Variants in HSPA13 observed in about 807,000 individuals in gnomAD.
HSPA13 encodes heat shock protein family A (Hsp70) member 13.
HSPA13 carries 29 observed loss-of-function variants against 38.8 expected under a neutral mutation model. That is an observed-to-expected ratio of 0.75 (90% confidence interval 0.56 to 1.02). The LOEUF (loss-of-function observed/expected upper bound fraction) is 1.02, where lower values mean the gene tolerates loss of function less well. Ranked by LOEUF, HSPA13 falls within the 50% of genes least tolerant of loss-of-function variation. The pLI, the probability that HSPA13 is intolerant of heterozygous loss-of-function variation, is 0.00. For synonymous variants in HSPA13, 192 were observed against 205.3 expected (o/e 0.94, Z 0.56); for missense variants, 451 against 560.9 (o/e 0.80, Z 1.98).
At position 14,378,317 on chromosome 21, in the gene HSPA13, C is replaced by T. The variant is rs770960435; in HGVS notation, c.462G>A (p.Lys154=). 7 of 1,614,066 alleles carry T rather than the reference C, an allele frequency of 4.3e-6. No homozygotes were observed. The Admixed American group carries it at 1.2e-4, about 27-fold the overall frequency. The change falls in exon 3 of 5, where the codon AAG becomes AAA. Residue 154 remains lysine, a synonymous_variant. Transcript: ENST00000285667. ...GATATGCCTCTGCCATTTCCTTTAACTTCAACAATAGTCGAGAGCCAACAT... is the reference window on the plus strand; with the variant it reads ...GATATGCCTCTGCCATTTCCTTTAATTTCAACAATAGTCGAGAGCCAACAT... ...PEYVGSRLLL[K]LKEMAEAYLG... is the part of the protein sequence containing the mutation.
chr21:14,380,237 A>G (rs1322071461), intron 2 of HSPA13, among the ~76,000 whole-genome samples: 4 of 151,994 alleles, frequency 2.6e-5, no homozygotes, highest in Admixed American at 6.5e-5. Context: ...TCTAAAATCA[A>G]AAATTTAAAA....
At chr21:14,379,758 C>A (rs13048477) in intron 2 of HSPA13, among the ~76,000 whole-genome samples, 112,675 of 152,048 alleles carry the variant, frequency 0.74, 42,086 homozygotes, top group Middle Eastern at 0.83. Flanking sequence ...AAAATTTGAA[C>A]ATTTTTATGG....
chr21:14,372,178 TTTCAACATCC>T lies in HSPA13; in HGVS notation c.*1429_*1438del, dbSNP rs1302341429. 1 of 151,988 alleles carries T rather than the reference TTTCAACATCC, an allele frequency of 6.6e-6. No individual in the cohort carries two copies. The highest frequency in any genetic ancestry group is 1.5e-5 in the Non-Finnish European group (1 of 67,908). The allele number at this position is 151,988 out of a possible 1,614,324, so 9.4% of individuals were successfully genotyped here. On this transcript the variant is annotated 3_prime_UTR_variant, in exon 5 of 5. Coordinates refer to ENST00000285667, the MANE Select transcript of HSPA13 (RefSeq NM_006948.5). ...CAGTTTCCTTTTTTGGTGACCAGCA[TTTCAACATCC>T]TATCGAATTCAGCAATGGATAAAGC...
chr21:14,377,088 G>A (rs1014609954), intron 3 of HSPA13, among the ~76,000 whole-genome samples: 3 of 152,212 alleles, frequency 2.0e-5, no homozygotes, highest in African/African-American at 7.2e-5. Flanking sequence ...AGAGGCTAGG[G>A]ACGCTGTTAA....
chr21:14,374,021 C>A lies in HSPA13; in HGVS notation c.1012G>T (p.Asp338Tyr). Residue 338 changes from aspartate (D) to tyrosine (Y), a missense_variant, in exon 5 of 5, where the codon GAC becomes TAC. Transcript: ENST00000285667. ...LPKDKLSSAD[D>Y]HRVNSGFGRG... ...CCAAACCCACTGTTCACGCGATGGT[C>A]ATCTGCTGAGGAAAGTTTGTCTTTT... 6.2e-7 allele frequency: 1 copy of A among 1,614,214 alleles called. No homozygotes were observed. The highest frequency in any genetic ancestry group is 1.3e-5 in the African/African-American group (1 of 75,058).
rs1315383785 is a variant in HSPA13, at chr21:14,371,358, T to C, written c.*2259A>G. ...ACAAGACACTTAATATTTTAAAAGT[T>C]ACATACTTCAAATAACACTGGCTAA... On this transcript the variant is annotated 3_prime_UTR_variant, in exon 5 of 5. Coordinates refer to ENST00000285667, the MANE Select transcript of HSPA13 (RefSeq NM_006948.5). The C allele has an allele frequency of 6.6e-6, 1 of 152,618 alleles. No individual in the cohort carries two copies. The highest frequency in any genetic ancestry group is 1.5e-5 in the Non-Finnish European group (1 of 68,008). 9.5% of individuals were successfully genotyped at this position (152,618 alleles called of 1,614,324 possible).
chr21:14,379,238 G>C (rs1296449051), intron 2 of HSPA13, among the ~76,000 whole-genome samples: 1 of 151,982 alleles, frequency 6.6e-6, no homozygotes, highest in African/African-American at 2.4e-5. Flanking sequence ...TTGTGCATTA[G>C]CTCATTGTCC....
intron 3 of HSPA13, among the ~76,000 whole-genome samples, chr21:14,376,681 T>C (rs1300947818): frequency 2.0e-5 from 3 of 152,234 alleles, no homozygotes; most frequent in African/African-American, 7.2e-5. Context: ...TATTCTACTC[T>C]GGCCACACTG....
chr21:14,381,108 A>C, intron 2 of HSPA13, 95 bp downstream of exon 2: 1 of 953,216 alleles, frequency 1.0e-6, no homozygotes, highest in Non-Finnish European at 1.6e-6. Context: ...TTAATAGATA[A>C]AACTAGACGA....
intron 4 of HSPA13, among the ~76,000 whole-genome samples, chr21:14,375,358 T>A (rs1983992939): frequency 6.6e-6 from 1 of 152,048 alleles, no homozygotes; most frequent in Non-Finnish European, 1.5e-5. Context: ...ACAAATGGTA[T>A]AAAATTACAT....
intron 2 of HSPA13, among the ~76,000 whole-genome samples, chr21:14,379,444 G>A (rs1179661689): frequency 6.6e-6 from 1 of 152,014 alleles, no homozygotes; most frequent in Non-Finnish European, 1.5e-5. Flanking sequence ...CACTAGTCTG[G>A]GGAAAACATA....
chr21:14,374,861 T>C (rs753096636), intron 4 of HSPA13, among the ~76,000 whole-genome samples: 2 of 152,144 alleles, frequency 1.3e-5, no homozygotes, highest in Non-Finnish European at 2.9e-5. Flanking sequence ...TTTTCTTGCC[T>C]GATTAGGACC....
At chr21:14,382,959 T>G in intron 1 of HSPA13, 136 bp downstream of exon 1, 2 of 1,076,834 alleles carry the variant, frequency 1.9e-6, no homozygotes, top group Non-Finnish European at 2.8e-6. Context: ...CCGAAAACCG[T>G]CTCTAAGTCA....
chr21:14,381,395 A>G lies in HSPA13; in HGVS notation c.174T>C (p.Ile58=). 1 of 1,614,118 alleles carries G rather than the reference A, an allele frequency of 6.2e-7. No homozygotes were observed. The highest frequency in any genetic ancestry group is 8.5e-7 in the Non-Finnish European group (1 of 1,180,016). Residue 58 remains isoleucine (I), a synonymous_variant, in exon 2 of 5, where the codon ATT becomes ATC. Coordinates refer to ENST00000285667, the MANE Select transcript of HSPA13 (RefSeq NM_006948.5). ...FFPGTGKVKV[I]PDENGHISIP... is the part of the protein sequence containing the mutation. ...TGCTGATATGCCCATTTTCATCTGG[A>G]ATCACCTTTACTTTTCCTGTGCCAG... is the stretch of plus-strand genomic sequence containing the variant.
intron 3 of HSPA13, among the ~76,000 whole-genome samples, chr21:14,376,356 T>G (rs1450641154): frequency 1.3e-5 from 2 of 152,028 alleles, no homozygotes; most frequent in African/African-American, 4.8e-5. Context: ...GAGCTTGCAG[T>G]GAGCCGAGAT....
intron 1 of HSPA13, among the ~76,000 whole-genome samples, chr21:14,382,729 C>T (rs55983630): frequency 0.039 from 5,937 of 152,188 alleles, 345 homozygotes; most frequent in African/African-American, 0.13. Context: ...GCTCCTCCCC[C>T]TTCCTCCACA....
chr21:14,377,060 T>TGCTA (rs1284308926), intron 3 of HSPA13, among the ~76,000 whole-genome samples: 1 of 152,212 alleles, frequency 6.6e-6, no homozygotes, highest in Non-Finnish European at 1.5e-5. Flanking sequence ...AGGAGGGCGC[T>TGCTA]GCTAGCATCT....
chr21:14,382,712 G>A (rs1984202930), intron 1 of HSPA13, among the ~76,000 whole-genome samples: 1 of 152,122 alleles, frequency 6.6e-6, no homozygotes, highest in African/African-American at 2.4e-5. Context: ...CGACAGATCC[G>A]GATGTAGCTC....
At position 14,372,802 on chromosome 21, in the gene HSPA13, A is replaced by C. The variant is rs572392619; in HGVS notation, c.*815T>G. The C allele has an allele frequency of 2.0e-5, 3 of 152,150 alleles. No individual in the cohort carries two copies. Among genetic ancestry groups the C allele is most frequent in the African/African-American group, 7.2e-5 (3 of 41,436 alleles). The allele number at this position is 152,150 out of a possible 1,614,324, so 9.4% of individuals were successfully genotyped here. ...AAAGGTCTCGGATAACAAAAATAAG[A>C]TAGCAATCATGGCTTTATTATGACA... On this transcript the variant is annotated 3_prime_UTR_variant, in exon 5 of 5. Coordinates refer to ENST00000285667, the MANE Select transcript of HSPA13 (RefSeq NM_006948.5).
Sources: gnomAD v4.1 joint callset for allele counts (sites outside exome capture counted in the v4.1 genomes callset) on GRCh38, gnomAD v4.1.1 for gene constraint, MANE v1.5 for transcripts, NCBI Gene and HGNC (gene_info 2026-07-23, HGNC 2026-07-21) for gene names.